C12orf42: variants seen among roughly 807,000 people sequenced by gnomAD.
The protein encoded by C12orf42 is uncharacterized protein C12orf42.
A neutral mutation model predicts 21.6 loss-of-function variants in C12orf42; 25 were observed. That is an observed-to-expected ratio of 1.16 (90% CI 0.84 to 1.62). C12orf42 has a LOEUF of 1.62. Ranked by LOEUF, C12orf42 falls within the 40% of genes most tolerant of loss-of-function variation. The probability of loss-of-function intolerance (pLI) is 0.00; values close to 1 mark genes in which losing one functional copy is unlikely to be tolerated. For synonymous variants in C12orf42, 174 were observed against 175.0 expected, an observed-to-expected ratio of 0.99 and a Z score of 0.05; for missense variants, 483 against 459.3, an observed-to-expected ratio of 1.05 and a Z score of -0.47.
chr12:103,531,461 C>G, the C12orf42 span, among the ~76,000 whole-genome samples: 1 of 152,096 alleles, frequency 6.6e-6, no homozygotes, highest in South Asian at 2.1e-4. Flanking sequence ...GAATCAAGGG[C>G]TGTTTCCCTT....
At chr12:103,146,976 G>A in the C12orf42 span, among the ~76,000 whole-genome samples, 1 of 152,110 alleles carries the variant, frequency 6.6e-6, no homozygotes, top group Admixed American at 6.6e-5. Context: ...CTGAGGCATG[G>A]CCCATGGAAG....
At chr12:103,212,916 C>T in the C12orf42 span, among the ~76,000 whole-genome samples, 2 of 151,820 alleles carry the variant, frequency 1.3e-5, no homozygotes, top group African/African-American at 2.4e-5. Flanking sequence ...TACTATTCTG[C>T]AGTTAGATAC....
chr12:103,393,505 C>A (rs908887152), intron 3 of C12orf42, among the ~76,000 whole-genome samples: 1 of 152,172 alleles, frequency 6.6e-6, no homozygotes. Context: ...GACATCCAAA[C>A]TATACTAGCT....
At chr12:103,083,320 C>T in the C12orf42 span, among the ~76,000 whole-genome samples, 3 of 152,102 alleles carry the variant, frequency 2.0e-5, no homozygotes, top group Non-Finnish European at 4.4e-5. Flanking sequence ...GCTGAGATCG[C>T]GCCATTGCAC....
chr12:103,308,066 A>T (rs7295291), intron 4 of C12orf42, among the ~76,000 whole-genome samples: 24,295 of 152,086 alleles, frequency 0.16, 1,985 homozygotes, highest in South Asian at 0.23. Flanking sequence ...GCCTAGAAAA[A>T]ATTCTCTAGG....
chr12:103,125,203 C>A, the C12orf42 span, among the ~76,000 whole-genome samples: 1 of 152,226 alleles, frequency 6.6e-6, no homozygotes, highest in Admixed American at 6.5e-5. Flanking sequence ...AATTAGTTCA[C>A]TGTAAGTTAG....
the C12orf42 span, among the ~76,000 whole-genome samples, chr12:103,188,703 C>G: frequency 1.1e-4 from 17 of 152,290 alleles, no homozygotes; most frequent in African/African-American, 3.6e-4. Flanking sequence ...CCACCTCTCT[C>G]TTGCTTCCTC....
intron 1 of C12orf42, 147 bp downstream of exon 1, chr12:103,495,755 T>A (rs1955509646): frequency 6.6e-6 from 1 of 151,636 alleles, no homozygotes; most frequent in African/African-American, 2.4e-5. Flanking sequence ...CGCGACGGGT[T>A]CCGCCGCTTG....
At chr12:103,444,649 A>G (rs1273641653) in intron 2 of C12orf42, among the ~76,000 whole-genome samples, 5 of 152,018 alleles carry the variant, frequency 3.3e-5, no homozygotes, top group Non-Finnish European at 5.9e-5. Flanking sequence ...TGTTTCTGAA[A>G]GATGTGTCTT....
chr12:103,273,762 G>A (rs2035600682), intron 5 of C12orf42: 1 of 440,448 alleles, frequency 2.3e-6, no homozygotes, highest in African/African-American at 2.0e-5. Flanking sequence ...AAAGAGAAGA[G>A]AAAGAGAAAG....
rs562675268 is a variant in C12orf42 at position 103,404,923 on chromosome 12, C to T, written c.79-3248G>A. Among the ~76,000 whole-genome samples, 10 of 152,336 alleles carry T rather than the reference C, an allele frequency of 6.6e-5. No homozygotes were observed. The East Asian group carries it at 9.6e-4, about 15-fold the overall frequency. Reference sequence around the variant, plus strand: ...GCACACACACGCAAGTGCACACGCACGCATTTATACACTTGAACCACCTAA... The same window carrying T: ...GCACACACACGCAAGTGCACACGCATGCATTTATACACTTGAACCACCTAA... On this transcript the variant is annotated intron_variant, in intron 2 of 5. Coordinates refer to ENST00000548883, the MANE Select transcript of C12orf42 (RefSeq NM_198521.5).
chr12:103,091,671 A>C, the C12orf42 span, among the ~76,000 whole-genome samples: 1 of 152,312 alleles, frequency 6.6e-6, no homozygotes, highest in East Asian at 1.9e-4. Flanking sequence ...CTTGTTATTT[A>C]TGCATCAGTT....
chr12:103,533,585 T>C, the C12orf42 span, among the ~76,000 whole-genome samples: 1 of 152,208 alleles, frequency 6.6e-6, no homozygotes, highest in African/African-American at 2.4e-5. Context: ...GAAGCTACAT[T>C]TGAAAGCAAC....
intron 4 of C12orf42, among the ~76,000 whole-genome samples, chr12:103,294,416 AGAAAGGAG>A (rs2037024936): frequency 1.5e-5 from 2 of 133,786 alleles, no homozygotes; most frequent in African/African-American, 5.8e-5. Flanking sequence ...AAAGAAAGAG[AGAAAGGAG>A]AGAGAGAAAG....
At chr12:103,210,214 TATGAG>T in the C12orf42 span, among the ~76,000 whole-genome samples, 1 of 152,246 alleles carries the variant, frequency 6.6e-6, no homozygotes, top group Admixed American at 6.5e-5. Context: ...GTTAAATAGA[TATGAG>T]ATATTTACAT....
the C12orf42 span, among the ~76,000 whole-genome samples, chr12:103,524,445 G>C: frequency 6.6e-6 from 1 of 152,156 alleles, no homozygotes; most frequent in African/African-American, 2.4e-5. Context: ...TCCAAAACCA[G>C]AGAGACCTGC....
chr12:103,553,271 C>T, the C12orf42 span, among the ~76,000 whole-genome samples: 11 of 152,242 alleles, frequency 7.2e-5, no homozygotes, highest in East Asian at 2.1e-3. Context: ...AGCCACTGGT[C>T]GAATCCTACC....
At chr12:103,073,272 C>A in the C12orf42 span, among the ~76,000 whole-genome samples, 1 of 152,008 alleles carries the variant, frequency 6.6e-6, no homozygotes. Flanking sequence ...ACAACAAACC[C>A]CCATGACACA....
intron 3 of C12orf42, among the ~76,000 whole-genome samples, 185 bp from the exon 4 acceptor site, chr12:103,369,183 A>T (rs2044937100): frequency 6.6e-6 from 1 of 152,082 alleles, no homozygotes; most frequent in Non-Finnish European, 1.5e-5. Context: ...CTTTACATGC[A>T]CATTCCTCTT....
Sources: gnomAD v4.1 joint callset for allele counts (sites outside exome capture counted in the v4.1 genomes callset) on GRCh38, gnomAD v4.1.1 for gene constraint, MANE v1.5 for transcripts, NCBI Gene and HGNC (gene_info 2026-07-23, HGNC 2026-07-21) for gene names.